Variants in CCDC171 observed in about 807,000 individuals in gnomAD.
The protein encoded by CCDC171 is coiled-coil domain containing 171.
CCDC171 carries 177 observed loss-of-function variants against 168.2 expected under a neutral mutation model. That is an observed-to-expected ratio of 1.05 (90% CI 0.93 to 1.19). The LOEUF (loss-of-function observed/expected upper bound fraction) is 1.19, where lower values mean the gene tolerates loss of function less well. Ranked by LOEUF, CCDC171 falls within the 50% of genes most tolerant of loss-of-function variation. CCDC171 has a pLI of 0.00. For synonymous variants in CCDC171, 687 were observed against 540.8 expected (o/e 1.27, Z -3.75); for missense variants, 1,991 against 1,539.0 (o/e 1.29, Z -4.91).
intron 6 of CCDC171, among the ~76,000 whole-genome samples, chr9:15,596,092 G>A (rs1391052069): frequency 1.3e-5 from 2 of 152,104 alleles, no homozygotes; most frequent in Non-Finnish European, 2.9e-5. Context: ...CATTCTGTAG[G>A]TTGCCTGTTC....
intron 21 of CCDC171, among the ~76,000 whole-genome samples, chr9:15,790,566 A>C (rs368687383): frequency 5.3e-5 from 8 of 152,258 alleles, no homozygotes; most frequent in African/African-American, 1.9e-4. Context: ...CTCTGATGGT[A>C]GTTTCTTTTG....
At chr9:15,783,066 G>C (rs1293183941) in intron 20 of CCDC171, among the ~76,000 whole-genome samples, 2 of 152,072 alleles carry the variant, frequency 1.3e-5, no homozygotes, top group African/African-American at 4.8e-5. Context: ...AATTTTTGAG[G>C]AATGCACCCT....
chr9:15,912,256 G>T (rs187995386), intron 24 of CCDC171, among the ~76,000 whole-genome samples: 197 of 152,220 alleles, frequency 1.3e-3, no homozygotes, highest in Admixed American at 2.6e-3. Flanking sequence ...CCTTGAAGAG[G>T]TCCTTCACAT....
chr9:15,594,816 A>G (rs1277848673), intron 6 of CCDC171, among the ~76,000 whole-genome samples: 1 of 152,164 alleles, frequency 6.6e-6, no homozygotes, highest in Non-Finnish European at 1.5e-5. Context: ...AAGGAGAGGT[A>G]GGAGAAACTC....
intron 9 of CCDC171, 96 bp from the exon 10 acceptor site, chr9:15,678,660 CAT>C: frequency 2.1e-6 from 2 of 938,548 alleles, no homozygotes; most frequent in South Asian, 2.1e-5. Context: ...AGCATGAACA[CAT>C]GATATGTAGT....
chr9:16,074,989 C>T, the CCDC171 span, among the ~76,000 whole-genome samples: 6 of 152,178 alleles, frequency 3.9e-5, no homozygotes, highest in Admixed American at 6.5e-5. Flanking sequence ...CTCCCAGTTT[C>T]GTGCTTGTTA....
downstream of CCDC171, among the ~76,000 whole-genome samples, chr9:15,978,566 G>C (rs534992486): frequency 4.6e-5 from 7 of 152,116 alleles, no homozygotes; most frequent in Non-Finnish European, 1.0e-4. Flanking sequence ...TGATTTTCCT[G>C]AATATGAAGT....
chr9:15,849,249 C>G (rs1210404520), intron 23 of CCDC171, among the ~76,000 whole-genome samples: 5 of 151,442 alleles, frequency 3.3e-5, no homozygotes, highest in African/African-American at 1.2e-4. Flanking sequence ...CCTTATATGT[C>G]TCATAATGAT....
Position 15,588,286 on chromosome 9 carries a change from C to T in CCDC171, c.353-3080C>T, listed in dbSNP as rs370905343. On this transcript the variant is annotated intron_variant, in intron 4 of 25. Transcript: ENST00000380701. ...GGGAAGAAGAGGCAAGAAGGACCCC[C>T]GGACTGACCAAAGCCCACACGCCAT... 6.9e-4 allele frequency: 136 copies of T among 197,534 alleles called. 1 individual carries two copies. Among genetic ancestry groups the T allele is most frequent in the African/African-American group, 3.0e-3 (126 of 41,800 alleles). 12.2% of individuals were successfully genotyped at this position (197,534 alleles called of 1,614,324 possible). A position where few individuals can be genotyped will look rare whatever the true frequency, so the allele number is the denominator to read the frequency against.
chr9:16,045,081 G>A (rs917076446), intron 1 of CCDC171, among the ~76,000 whole-genome samples: 1 of 152,122 alleles, frequency 6.6e-6, no homozygotes, highest in Admixed American at 6.5e-5. Flanking sequence ...TTTCCTTGTG[G>A]TGGAGAGTGC....
intron 17 of CCDC171, 146 bp from the exon 18 acceptor site, chr9:15,745,369 A>G (rs2055195233): frequency 2.2e-6 from 1 of 446,346 alleles, no homozygotes; most frequent in African/African-American, 2.0e-5. Context: ...AAGCTAATCT[A>G]ACATTTAATA....
intron 7 of CCDC171, among the ~76,000 whole-genome samples, chr9:15,652,527 C>G (rs200856518): frequency 2.0e-5 from 3 of 151,832 alleles, no homozygotes; most frequent in Admixed American, 2.0e-4. Context: ...GCCTCCCAGG[C>G]TCAAGCCATT....
rs187908575 is a variant in CCDC171, at chr9:15,697,709, A to G, written c.1318+2372A>G. 3.2e-4 allele frequency among the ~76,000 whole-genome samples: 49 copies of G among 152,292 alleles called. No individual in the cohort carries two copies. The East Asian group carries it at 9.5e-3, about 29-fold the overall frequency. ...TTAATTAAAAAATACATTATTGCCA[A>G]AAAATGCTGATGATCATCTGAGCCT... On this transcript the variant is annotated intron_variant, in intron 11 of 25. Coordinates refer to ENST00000380701, the MANE Select transcript of CCDC171 (RefSeq NM_173550.4).
intron 24 of CCDC171, among the ~76,000 whole-genome samples, chr9:15,909,140 C>A (rs567774369): frequency 6.6e-6 from 1 of 152,104 alleles, no homozygotes; most frequent in South Asian, 2.1e-4. Flanking sequence ...TATGTAACAA[C>A]TTTTTGTTGA....
intron 24 of CCDC171, among the ~76,000 whole-genome samples, chr9:15,905,380 G>T (rs185930489): frequency 6.6e-6 from 1 of 152,216 alleles, no homozygotes; most frequent in Admixed American, 6.5e-5. Flanking sequence ...ACTCACAACC[G>T]CTCAACTACA....
chr9:15,970,533 C>T (rs1374801308), intron 25 of CCDC171, among the ~76,000 whole-genome samples: 1 of 152,002 alleles, frequency 6.6e-6, no homozygotes, highest in African/African-American at 2.4e-5. Context: ...TATTTTCCTG[C>T]CATCTTTAAA....
At chr9:15,777,567 C>A in intron 18 of CCDC171, 33 bp from the exon 19 acceptor site, 1 of 1,360,478 alleles carries the variant, frequency 7.4e-7, no homozygotes, top group Non-Finnish European at 1.0e-6. Context: ...AGACAATTCA[C>A]ATTTTTGTGC....
chr9:15,962,093 T>C (rs985055886), intron 25 of CCDC171, among the ~76,000 whole-genome samples: 2 of 152,150 alleles, frequency 1.3e-5, no homozygotes, highest in African/African-American at 2.4e-5. Flanking sequence ...TAAATAAAGT[T>C]ATATTGGAAC....
At chr9:15,890,024 A>G (rs1425305787) in intron 24 of CCDC171, among the ~76,000 whole-genome samples, 1 of 152,224 alleles carries the variant, frequency 6.6e-6, no homozygotes, top group Non-Finnish European at 1.5e-5. Context: ...AGTGTGAACT[A>G]AGATACTGGC....
Sources: allele counts gnomAD v4.1 joint callset (sites outside exome capture counted in the v4.1 genomes callset), GRCh38; gene constraint gnomAD v4.1.1; transcripts MANE v1.5; gene names NCBI Gene and HGNC (gene_info 2026-07-23, HGNC 2026-07-21).